Variants in UBE2D4 observed in about 807,000 individuals in gnomAD.
The protein encoded by UBE2D4 is ubiquitin-conjugating enzyme E2 D4.
UBE2D4 carries 17 observed loss-of-function variants against 23.0 expected under a neutral mutation model. The observed-to-expected ratio is 0.74, with a 90% CI of 0.51 to 1.11. The LOEUF is 1.11. Among genes scored for constraint, UBE2D4 ranks in the 50% least tolerant of loss-of-function variants. UBE2D4 has a pLI of 0.00. For missense variants in UBE2D4, 139 were observed against 181.8 expected (o/e 0.76, Z 1.35); for synonymous variants, 61 against 69.4 (o/e 0.88, Z 0.60).
intron 1 of UBE2D4, among the ~76,000 whole-genome samples, chr7:43,928,842 G>A (rs2095939207): frequency 6.6e-6 from 1 of 152,164 alleles, no homozygotes; most frequent in Non-Finnish European, 1.5e-5. Context: ...AGAGATTAAG[G>A]AATAAAGGTT....
rs898657268 is a variant in UBE2D4, at chr7:43,955,015, G to T, written c.*2320G>T. ...AGAGAAAGTCAAATCAGCCCTTTGG[G>T]GTTTGTGGTAAAAATTCACTCACCC... On this transcript the variant is annotated 3_prime_UTR_variant, in exon 7 of 7. Coordinates refer to ENST00000222402, the MANE Select transcript of UBE2D4 (RefSeq NM_015983.4). The T allele has an allele frequency of 4.6e-5, 7 of 152,306 alleles. No homozygotes were observed. Among genetic ancestry groups the T allele is most frequent in the Admixed American group, 1.3e-4 (2 of 15,294 alleles). The allele number at this position is 152,306 out of a possible 1,614,324, so 9.4% of individuals were successfully genotyped here.
chr7:43,926,585 T>G, intron 1 of UBE2D4, 29 bp downstream of exon 1: 2 of 1,559,458 alleles, frequency 1.3e-6, no homozygotes, highest in Non-Finnish European at 1.7e-6. Context: ...TCCAACTCTT[T>G]GGGTGTCCGA....
intron 1 of UBE2D4, among the ~76,000 whole-genome samples, chr7:43,934,104 AG>A (rs1195425867): frequency 1.3e-5 from 2 of 152,230 alleles, no homozygotes. Context: ...TTGTTGTTGG[AG>A]GAAGGACTGG....
chr7:43,947,665 T>C (rs939591652), intron 4 of UBE2D4, among the ~76,000 whole-genome samples: 2 of 152,266 alleles, frequency 1.3e-5, no homozygotes, highest in Admixed American at 6.5e-5. Context: ...TGTGTCTTTA[T>C]AGTAGCATGA....
intron 1 of UBE2D4, among the ~76,000 whole-genome samples, chr7:43,934,685 A>G (rs1423655515): frequency 6.6e-6 from 1 of 151,022 alleles, no homozygotes; most frequent in Non-Finnish European, 1.5e-5. Context: ...TTATTTAATG[A>G]CCAAGTACAC....
At chr7:43,932,101 G>T (rs2095947105) in intron 1 of UBE2D4, among the ~76,000 whole-genome samples, 1 of 151,956 alleles carries the variant, frequency 6.6e-6, no homozygotes, top group Admixed American at 6.6e-5. Flanking sequence ...CCATTCTCCA[G>T]CCTCAACCTC....
rs370699482 is a variant in UBE2D4 at position 43,950,745 on chromosome 7, A to G, written c.398+53A>G. ...CACCATGGCTGCCCCAGGCAGCTCC[A>G]TGCAGTACCTGTGCTCTGAGCTGGT... On this transcript the variant is annotated intron_variant, in intron 6 of 6. Coordinates refer to ENST00000222402, the MANE Select transcript of UBE2D4 (RefSeq NM_015983.4). The G allele has an allele frequency of 2.8e-5, 40 of 1,407,748 alleles. No homozygotes were observed. In the African/African-American group the frequency reaches 4.2e-4, roughly 15 times the overall value. 87.2% of individuals were successfully genotyped at this position (1,407,748 alleles called of 1,614,324 possible).
chr7:43,950,838 C>T, intron 6 of UBE2D4, 146 bp downstream of exon 6: 1 of 667,052 alleles, frequency 1.5e-6, no homozygotes, highest in Non-Finnish European at 2.6e-6. Context: ...AGAGGGTGTG[C>T]CCTGGGCTTG....
At chr7:43,939,609 CAG>C (rs1426258598) in intron 2 of UBE2D4, among the ~76,000 whole-genome samples, 1 of 152,218 alleles carries the variant, frequency 6.6e-6, no homozygotes, top group Non-Finnish European at 1.5e-5. Flanking sequence ...CAGAGTGAGA[CAG>C]AATGTGTATG....
chr7:43,955,505 AGAATGCAAATGTCCAACAGGCCTG>A lies in UBE2D4; in HGVS notation c.*2812_*2835del, dbSNP rs2096011569. The A allele has an allele frequency of 6.6e-6, 1 of 152,358 alleles. No homozygotes were observed. Among genetic ancestry groups the A allele is most frequent in the East Asian group, 1.9e-4 (1 of 5,190 alleles). The allele number at this position is 152,358 out of a possible 1,614,324, so 9.4% of individuals were successfully genotyped here. On this transcript the variant is annotated 3_prime_UTR_variant, in exon 7 of 7. Coordinates refer to ENST00000222402, the MANE Select transcript of UBE2D4 (RefSeq NM_015983.4). ...TCTTAGGACAAGGAATTAAAATGCC[AGAATGCAAATGTCCAACAGGCCTG>A]GTAGCTCACAGCTATCAACACCCTA...
chr7:43,929,670 A>G (rs1209476334), intron 1 of UBE2D4, among the ~76,000 whole-genome samples: 2 of 151,804 alleles, frequency 1.3e-5, no homozygotes, highest in East Asian at 3.9e-4. Flanking sequence ...TGACGCATTC[A>G]CTCTCACAGG....
intron 5 of UBE2D4, chr7:43,948,959 T>C: frequency 1.9e-6 from 1 of 538,434 alleles, no homozygotes. Context: ...TCAATTGCCC[T>C]GGTGTGCTCA....
chr7:43,950,553 A>C (rs751724658), intron 5 of UBE2D4, 46 bp from the exon 6 acceptor site: 1 of 1,522,552 alleles, frequency 6.6e-7, no homozygotes, highest in Non-Finnish European at 9.1e-7. Context: ...GGGGTGACCC[A>C]GCAGCTTCGT....
At chr7:43,950,160 A>C (rs896106472) in intron 5 of UBE2D4, among the ~76,000 whole-genome samples, 2 of 152,160 alleles carry the variant, frequency 1.3e-5, no homozygotes, top group African/African-American at 4.8e-5. Flanking sequence ...CTGGTCCAGA[A>C]TCTCATTTTA....
At chr7:43,943,053 C>A (rs2132778116) in intron 4 of UBE2D4, 22 bp downstream of exon 4, 2 of 1,611,004 alleles carry the variant, frequency 1.2e-6, no homozygotes, top group Non-Finnish European at 1.7e-6. Flanking sequence ...CTCCCAACTC[C>A]CCTGATGTTT....
chr7:43,940,409 G>A (rs552443000), intron 2 of UBE2D4, among the ~76,000 whole-genome samples: 4 of 152,250 alleles, frequency 2.6e-5, no homozygotes, highest in African/African-American at 7.2e-5. Flanking sequence ...AACTGGGGTC[G>A]CTGTAAGCTT....
intron 2 of UBE2D4, among the ~76,000 whole-genome samples, chr7:43,939,155 A>T (rs1167800810): frequency 6.6e-6 from 1 of 152,174 alleles, no homozygotes; most frequent in Non-Finnish European, 1.5e-5. Context: ...GGTCTAGAGG[A>T]CCTGGTGCTG....
chr7:43,930,624 T>A (rs1020014238), intron 1 of UBE2D4, among the ~76,000 whole-genome samples: 1 of 152,062 alleles, frequency 6.6e-6, no homozygotes, highest in African/African-American at 2.4e-5. Context: ...CTGGCTAATT[T>A]AAAATTTTTT....
In UBE2D4 at chr7:43,954,326, G is replaced by C. The variant is rs2096009165; in HGVS notation, c.*1631G>C. ...TCTGTCTCCCAGGCTGGAGTGCAGTGGTGCGATCTTGGCTCACTGCAACCT... is the reference window on the plus strand; with the variant it reads ...TCTGTCTCCCAGGCTGGAGTGCAGTCGTGCGATCTTGGCTCACTGCAACCT... On this transcript the variant is annotated 3_prime_UTR_variant, in exon 7 of 7. Transcript: ENST00000222402. The C allele has an allele frequency of 6.9e-6, 1 of 145,366 alleles. No individual in the cohort carries two copies. Among genetic ancestry groups the C allele is most frequent in the African/African-American group, 2.6e-5 (1 of 38,920 alleles). The allele number at this position is 145,366 out of a possible 1,614,324, so 9.0% of individuals were successfully genotyped here.
Sources: allele counts gnomAD v4.1 joint callset (sites outside exome capture counted in the v4.1 genomes callset), GRCh38; gene constraint gnomAD v4.1.1; transcripts MANE v1.5; gene names NCBI Gene and HGNC (gene_info 2026-07-23, HGNC 2026-07-21).